ARHGEF3: variants seen among roughly 807,000 people sequenced by gnomAD.
ARHGEF3 encodes 59.8 kDA protein.
A neutral mutation model predicts 63.2 loss-of-function variants in ARHGEF3; 28 were observed. The ratio of observed to expected loss-of-function variants is 0.44; its 90% confidence interval spans 0.33 to 0.61. The LOEUF is 0.61. Ranked by LOEUF, ARHGEF3 falls within the 20% of genes least tolerant of loss-of-function variation. ARHGEF3 has a pLI of 0.03. For synonymous variants in ARHGEF3, 266 were observed against 254.2 expected, an observed-to-expected ratio of 1.05 and a Z score of -0.44; for missense variants, 533 against 659.3, an observed-to-expected ratio of 0.81 and a Z score of 2.10.
intron 3 of ARHGEF3, among the ~76,000 whole-genome samples, chr3:56,909,092 G>A (rs1232689738): frequency 6.6e-6 from 1 of 152,214 alleles, no homozygotes; most frequent in African/African-American, 2.4e-5. Context: ...TTCGCTTCTG[G>A]AGTAATTTCT....
chr3:56,854,025 C>G (rs1448341730), intron 4 of ARHGEF3, among the ~76,000 whole-genome samples: 1 of 152,100 alleles, frequency 6.6e-6, no homozygotes, highest in Non-Finnish European at 1.5e-5. Context: ...GAAACCCCGT[C>G]TCTACTAAAA....
At chr3:56,985,618 T>A (rs2106923600) in intron 2 of ARHGEF3, among the ~76,000 whole-genome samples, 1 of 152,256 alleles carries the variant, frequency 6.6e-6, no homozygotes, top group Admixed American at 6.5e-5. Context: ...AGCTATTTTG[T>A]AAAGACAGAT....
At chr3:56,875,076 G>A (rs771593114) in intron 4 of ARHGEF3, among the ~76,000 whole-genome samples, 21 of 152,142 alleles carry the variant, frequency 1.4e-4, no homozygotes, top group Non-Finnish European at 2.1e-4. Context: ...CAAAAGCTAT[G>A]GTATTTGCTA....
chr3:56,947,109 A>C (rs1315207023), intron 3 of ARHGEF3, among the ~76,000 whole-genome samples: 1 of 152,204 alleles, frequency 6.6e-6, no homozygotes, highest in East Asian at 1.9e-4. Context: ...GCCTGCCCTA[A>C]AACAGCTCCT....
At chr3:56,956,336 C>A (rs1173517035) in intron 3 of ARHGEF3, among the ~76,000 whole-genome samples, 1 of 151,922 alleles carries the variant, frequency 6.6e-6, no homozygotes, top group Non-Finnish European at 1.5e-5. Context: ...GACTCCTGGG[C>A]TCAAGCAATC....
intron 7 of ARHGEF3, among the ~76,000 whole-genome samples, chr3:56,739,949 G>A (rs1438745272): frequency 6.6e-6 from 1 of 151,122 alleles, no homozygotes; most frequent in Non-Finnish European, 1.5e-5. Flanking sequence ...ACCCAGGCTG[G>A]AGTGCAATGG....
At chr3:56,856,418 A>G (rs946262141) in intron 4 of ARHGEF3, among the ~76,000 whole-genome samples, 179 of 152,250 alleles carry the variant, frequency 1.2e-3, no homozygotes, top group African/African-American at 4.1e-3. Flanking sequence ...TAATACTGCA[A>G]TTTTACTTGT....
At chr3:56,993,623 T>C (rs1285613290) in intron 2 of ARHGEF3, among the ~76,000 whole-genome samples, 1 of 151,360 alleles carries the variant, frequency 6.6e-6, no homozygotes, top group East Asian at 2.0e-4. Flanking sequence ...AATCCTCCTG[T>C]CACAGCCTCC....
At chr3:57,072,161 A>G (rs1233733610) in intron 1 of ARHGEF3, among the ~76,000 whole-genome samples, 1 of 152,220 alleles carries the variant, frequency 6.6e-6, no homozygotes, top group Non-Finnish European at 1.5e-5. Flanking sequence ...ACCCTCGTGC[A>G]CTGCTGGTGG....
chr3:56,919,389 T>G (rs1200699989), intron 3 of ARHGEF3, among the ~76,000 whole-genome samples: 2 of 152,206 alleles, frequency 1.3e-5, no homozygotes, highest in South Asian at 2.1e-4. Flanking sequence ...AACATCTTAT[T>G]TTTTTCAAAA....
chr3:56,900,358 G>A (rs547039585), intron 3 of ARHGEF3, among the ~76,000 whole-genome samples: 276 of 152,292 alleles, frequency 1.8e-3, no homozygotes, highest in Middle Eastern at 3.4e-3. Context: ...CAGTTGGCTG[G>A]GTGTGGTGGC....
chr3:56,842,628 A>G (rs551644377), intron 4 of ARHGEF3, among the ~76,000 whole-genome samples: 1 of 152,266 alleles, frequency 6.6e-6, no homozygotes, highest in African/African-American at 2.4e-5. Flanking sequence ...CCCTACAATC[A>G]TGTAGCCCTG....
intron 3 of ARHGEF3, among the ~76,000 whole-genome samples, chr3:56,886,243 T>A (rs2040921673): frequency 6.6e-6 from 1 of 152,234 alleles, no homozygotes; most frequent in Non-Finnish European, 1.5e-5. Context: ...TCAGTCATGC[T>A]CACAGTCCCA....
intron 3 of ARHGEF3, chr3:56,940,432 T>C (rs1699120588): frequency 6.6e-6 from 1 of 152,186 alleles, no homozygotes; most frequent in Admixed American, 6.5e-5. Flanking sequence ...GCAAATCTGC[T>C]CAACTGGCAC....
chr3:56,998,407 C>CTT (rs10594789), intron 2 of ARHGEF3, among the ~76,000 whole-genome samples: 2 of 144,514 alleles, frequency 1.4e-5, no homozygotes, highest in African/African-American at 2.5e-5. Context: ...GTCATCCTGA[C>CTT]TTTTTTTTTT....
chr3:57,073,335 T>C (rs540806321), intron 1 of ARHGEF3: 3 of 206,018 alleles, frequency 1.5e-5, no homozygotes, highest in African/African-American at 4.6e-5. Flanking sequence ...TCAATAAGAA[T>C]ATAATCAGGA....
intron 4 of ARHGEF3, among the ~76,000 whole-genome samples, chr3:56,849,548 A>T (rs1049927410): frequency 1.3e-5 from 2 of 152,158 alleles, no homozygotes; most frequent in African/African-American, 2.4e-5. Context: ...CTAAGTCCAC[A>T]GAGTAAAAGC....
intron 1 of ARHGEF3, among the ~76,000 whole-genome samples, chr3:57,036,956 G>C (rs963083415): frequency 2.0e-5 from 3 of 152,338 alleles, no homozygotes; most frequent in East Asian, 3.9e-4. Flanking sequence ...GGACCTACAG[G>C]ATACCTGGGA....
rs760863206 is a variant in ARHGEF3, at chr3:56,754,987, A to C, written c.369T>G (p.Arg123=). The stretch of plus-strand genomic sequence containing the variant: ...CCATGGGCCCCGAGCCTACCTCCTG[A>C]CGTTTGATTTCCTTGGATGTAAGCA... The part of the protein sequence containing the change: ...NQMLTSKEIK[R]QEAIFELSQG... The change falls in exon 3 of 10, where the codon CGT becomes CGG. Residue 123 remains arginine (R), a synonymous_variant. Coordinates refer to ENST00000296315, the MANE Select transcript of ARHGEF3 (RefSeq NM_019555.3). 5 of 1,614,036 alleles carry C rather than the reference A, an allele frequency of 3.1e-6. No individual in the cohort carries two copies. Among genetic ancestry groups the C allele is most frequent in the Non-Finnish European group, 4.2e-6 (5 of 1,180,038 alleles).
Sources: allele counts gnomAD v4.1 joint callset (sites outside exome capture counted in the v4.1 genomes callset), GRCh38; gene constraint gnomAD v4.1.1; transcripts MANE v1.5; gene names NCBI Gene and HGNC (gene_info 2026-07-23, HGNC 2026-07-21).